SNAP25: variants seen among roughly 807,000 people sequenced by gnomAD.
SNAP25 encodes synaptosome associated protein 25.
A neutral mutation model predicts 28.7 loss-of-function variants in SNAP25; 3 were observed. The observed-to-expected ratio is 0.10, with a 90% CI of 0.05 to 0.27. The LOEUF (loss-of-function observed/expected upper bound fraction) is 0.27, where lower values mean the gene tolerates loss of function less well. Among genes scored for constraint, SNAP25 ranks in the 10% least tolerant of loss-of-function variants. The probability of loss-of-function intolerance (pLI) is 1.00; values close to 1 mark genes in which losing one functional copy is unlikely to be tolerated. For synonymous variants in SNAP25, 61 were observed against 88.1 expected, an observed-to-expected ratio of 0.69 and a Z score of 1.72; for missense variants, 117 against 278.7, an observed-to-expected ratio of 0.42 and a Z score of 4.13.
In SNAP25 at chr20:10,293,637, G is replaced by A. The variant is rs1199577004; in HGVS notation, c.281+359G>A. ...CAAAATTACAGATTTAGAAAAGGCT[G>A]CGGGTAAGTTTGGAAGATGAGAAAC... On this transcript the variant is annotated intron_variant, in intron 5 of 7. Coordinates refer to ENST00000254976, the MANE Select transcript of SNAP25 (RefSeq NM_130811.4). This position sits in a 1 kb window ranked among gnomAD's most constrained non-coding sequence, Gnocchi z 5.6. Among the ~76,000 whole-genome samples, 2 of 152,188 alleles carry A rather than the reference G, an allele frequency of 1.3e-5. No homozygotes were observed. Among genetic ancestry groups the A allele is most frequent in the Non-Finnish European group, 2.9e-5 (2 of 68,026 alleles).
chr20:10,287,426 T>C (rs1214513501), intron 4 of SNAP25, among the ~76,000 whole-genome samples: 12 of 151,640 alleles, frequency 7.9e-5, no homozygotes, highest in Middle Eastern at 3.4e-3. Flanking sequence ...CATCACTGGC[T>C]ATCAGAGAAA....
intron 1 of SNAP25, among the ~76,000 whole-genome samples, chr20:10,268,215 T>A (rs1275604390): frequency 6.6e-6 from 1 of 152,168 alleles, no homozygotes; most frequent in Non-Finnish European, 1.5e-5. Flanking sequence ...TTGAATATAG[T>A]GAGTTTTCAT....
At chr20:10,263,009 C>CTTTTTTTTTTTT (rs57690835) in intron 1 of SNAP25, among the ~76,000 whole-genome samples, 1 of 50,644 alleles carries the variant, frequency 2.0e-5, no homozygotes, top group Non-Finnish European at 3.4e-5. Flanking sequence ...CTGGGGTGCT[C>CTTTTTTTTTTTT]TTTTTTTTTT....
At chr20:10,271,793 G>A (rs1331284599) in intron 1 of SNAP25, among the ~76,000 whole-genome samples, 1 of 152,190 alleles carries the variant, frequency 6.6e-6, no homozygotes, top group African/African-American at 2.4e-5. Context: ...AAATAGACCT[G>A]AAGGAGTGGG....
Position 10,293,317 on chromosome 20 carries a change from A to G in SNAP25, c.281+39A>G. On this transcript the variant is annotated intron_variant, in intron 5 of 7. Transcript: ENST00000254976. This position sits in a 1 kb window ranked among gnomAD's most constrained non-coding sequence, Gnocchi z 5.6. ...GCCTGCCTGAAGCTTTGATTTCCCA[A>G]GGCCCATCTCCAAGCCTTGACAAGC... 1 of 1,513,076 alleles carries G rather than the reference A, an allele frequency of 6.6e-7. No individual in the cohort carries two copies. Among genetic ancestry groups the G allele is most frequent in the Middle Eastern group, 1.7e-4 (1 of 5,890 alleles). 93.7% of individuals were successfully genotyped at this position (1,513,076 alleles called of 1,614,324 possible).
At chr20:10,285,791 T>C (rs1455972461) in intron 4 of SNAP25, among the ~76,000 whole-genome samples, 2 of 152,092 alleles carry the variant, frequency 1.3e-5, no homozygotes, top group Non-Finnish European at 2.9e-5. Flanking sequence ...GAAAAATGGA[T>C]GTAAAATAAG....
At chr20:10,227,264 T>C (rs1013059771) in intron 1 of SNAP25, among the ~76,000 whole-genome samples, 2 of 152,138 alleles carry the variant, frequency 1.3e-5, no homozygotes, top group African/African-American at 4.8e-5. Flanking sequence ...GTTACCTACT[T>C]ATGTATTTCT....
intron 7 of SNAP25, 119 bp from the exon 8 acceptor site, chr20:10,306,010 T>C: frequency 2.5e-6 from 2 of 801,306 alleles, no homozygotes; most frequent in Non-Finnish European, 4.2e-6. Flanking sequence ...GGATGGCCCA[T>C]GCTGACCAAG....
chr20:10,245,067 A>G (rs953446247), intron 1 of SNAP25, among the ~76,000 whole-genome samples: 6 of 152,148 alleles, frequency 3.9e-5, no homozygotes, highest in African/African-American at 1.4e-4. Context: ...TATGCCAGAC[A>G]GGAGAGAGGG....
intron 1 of SNAP25, among the ~76,000 whole-genome samples, chr20:10,243,185 A>G (rs1268090451): frequency 6.6e-6 from 1 of 152,224 alleles, no homozygotes; most frequent in African/African-American, 2.4e-5. Flanking sequence ...CGTATCCTGA[A>G]CCAACTGAAT....
At chr20:10,281,140 A>G (rs540146032) in intron 3 of SNAP25, among the ~76,000 whole-genome samples, 69 of 152,314 alleles carry the variant, frequency 4.5e-4, no homozygotes, top group Middle Eastern at 3.4e-3. Context: ...AGAAAAAGTA[A>G]TCCTTTGTAT....
chr20:10,282,464 A>G (rs1295195335), intron 3 of SNAP25, among the ~76,000 whole-genome samples: 1 of 152,204 alleles, frequency 6.6e-6, no homozygotes, highest in Non-Finnish European at 1.5e-5. Flanking sequence ...GGGGCAACCT[A>G]AAAAACTCTT....
chr20:10,244,550 T>A (rs2122760149), intron 1 of SNAP25, among the ~76,000 whole-genome samples: 1 of 152,208 alleles, frequency 6.6e-6, no homozygotes, highest in Non-Finnish European at 1.5e-5. Context: ...AGAGCCAAGA[T>A]TTGAATGTAG....
intron 1 of SNAP25, among the ~76,000 whole-genome samples, chr20:10,255,208 T>C (rs997036391): frequency 6.6e-6 from 1 of 152,156 alleles, no homozygotes; most frequent in African/African-American, 2.4e-5. Flanking sequence ...CTGCCAAGTT[T>C]CCAAAAGACT....
intron 1 of SNAP25, among the ~76,000 whole-genome samples, chr20:10,265,800 A>G (rs2063496722): frequency 6.6e-6 from 1 of 152,162 alleles, no homozygotes; most frequent in Non-Finnish European, 1.5e-5. Flanking sequence ...TCTCACACCT[A>G]CCAGCCTAAT....
At chr20:10,240,204 C>A (rs1254846673) in intron 1 of SNAP25, among the ~76,000 whole-genome samples, 7 of 152,248 alleles carry the variant, frequency 4.6e-5, no homozygotes, top group Admixed American at 4.6e-4. Context: ...CATGCTCAGT[C>A]CCTTACCACG....
intron 1 of SNAP25, among the ~76,000 whole-genome samples, chr20:10,269,284 T>C (rs1450490847): frequency 6.6e-6 from 1 of 152,108 alleles, no homozygotes; most frequent in East Asian, 1.9e-4. Context: ...TGTGCATGCC[T>C]GTACTCCCAG....
chr20:10,264,720 A>G (rs893507384), intron 1 of SNAP25, among the ~76,000 whole-genome samples: 5 of 152,136 alleles, frequency 3.3e-5, no homozygotes, highest in African/African-American at 9.7e-5. Flanking sequence ...GGATCCTTGC[A>G]AAGACCTTCA....
chr20:10,239,259 C>G (rs909058854), intron 1 of SNAP25, among the ~76,000 whole-genome samples: 19 of 152,162 alleles, frequency 1.2e-4, no homozygotes, highest in Admixed American at 9.2e-4. Flanking sequence ...CTGAGTGTGC[C>G]GTGCCACCTC....
Sources: allele counts gnomAD v4.1 joint callset (sites outside exome capture counted in the v4.1 genomes callset), GRCh38; gene constraint gnomAD v4.1.1; non-coding constraint Gnocchi (gnomAD v3.1); transcripts MANE v1.5; gene names NCBI Gene and HGNC (gene_info 2026-07-23, HGNC 2026-07-21).